The following PRKCE variants were observed in gnomAD, a reference collection of about 807,000 sequenced individuals.
PRKCE encodes protein kinase C epsilon type.
Under a neutral mutation model 85.4 loss-of-function variants are expected in PRKCE, and 16 were observed. That is an observed-to-expected ratio of 0.19 (90% CI 0.13 to 0.28). The LOEUF is 0.28. Among genes scored for constraint, PRKCE ranks in the 10% least tolerant of loss-of-function variants. The probability of loss-of-function intolerance (pLI) is 1.00; values close to 1 mark genes in which losing one functional copy is unlikely to be tolerated. For synonymous variants in PRKCE, 388 were observed against 371.5 expected, an observed-to-expected ratio of 1.04 and a Z score of -0.51; for missense variants, 573 against 975.2, an observed-to-expected ratio of 0.59 and a Z score of 5.49.
At chr2:45,776,855 G>T (rs544306968) in intron 1 of PRKCE, among the ~76,000 whole-genome samples, 1 of 152,166 alleles carries the variant, frequency 6.6e-6, no homozygotes, top group Admixed American at 6.5e-5. Context: ...AAACTCATTT[G>T]AAGAGTCCAC....
At chr2:45,936,851 G>C (rs966159317) in intron 2 of PRKCE, among the ~76,000 whole-genome samples, 1 of 152,136 alleles carries the variant, frequency 6.6e-6, no homozygotes, top group Non-Finnish European at 1.5e-5. Context: ...ACCTACCGCA[G>C]GTATGTGTTC....
intron 2 of PRKCE, among the ~76,000 whole-genome samples, chr2:45,887,074 G>C (rs1187865928): frequency 6.6e-6 from 1 of 152,158 alleles, no homozygotes; most frequent in African/African-American, 2.4e-5. Context: ...CTGATGCCTG[G>C]GTTTTTACAT....
intron 1 of PRKCE, among the ~76,000 whole-genome samples, chr2:45,747,743 T>G (rs568404278): frequency 6.6e-6 from 1 of 152,244 alleles, no homozygotes; most frequent in Non-Finnish European, 1.5e-5. Flanking sequence ...CTAGGTGATA[T>G]AGTAATTCTA....
chr2:46,153,033 C>T, intron 13 of PRKCE, among the ~76,000 whole-genome samples: 1 of 152,098 alleles, frequency 6.6e-6, no homozygotes, highest in South Asian at 2.1e-4. Context: ...CCCTTACTCT[C>T]CTCCCTCTCT....
chr2:46,126,289 G>A (rs888423225), intron 11 of PRKCE, among the ~76,000 whole-genome samples: 9 of 152,250 alleles, frequency 5.9e-5, no homozygotes, highest in South Asian at 2.1e-4. Flanking sequence ...GCGTGCTGGG[G>A]GGATACAGTG....
intron 10 of PRKCE, among the ~76,000 whole-genome samples, chr2:46,051,944 A>T (rs1368358753): frequency 6.6e-6 from 1 of 152,158 alleles, no homozygotes; most frequent in Admixed American, 6.5e-5. Context: ...TCTCGTGAGA[A>T]GTCACTATCA....
intron 1 of PRKCE, among the ~76,000 whole-genome samples, chr2:45,666,283 G>T (rs1675907626): frequency 6.6e-6 from 1 of 152,040 alleles, no homozygotes; most frequent in Non-Finnish European, 1.5e-5. Flanking sequence ...GGAATCCAGG[G>T]GATTTGTGTA....
intron 1 of PRKCE, among the ~76,000 whole-genome samples, chr2:45,815,159 C>T (rs1688939956): frequency 6.6e-6 from 1 of 152,210 alleles, no homozygotes; most frequent in African/African-American, 2.4e-5. Context: ...GCACTAATCT[C>T]ATAAGAGGAT....
intron 11 of PRKCE, among the ~76,000 whole-genome samples, chr2:46,095,006 T>C (rs1449993496): frequency 6.6e-6 from 1 of 152,236 alleles, no homozygotes; most frequent in African/African-American, 2.4e-5. Flanking sequence ...AGGTCTGTTT[T>C]CATCTATTGC....
chr2:45,859,875 G>A (rs796736421), intron 2 of PRKCE, among the ~76,000 whole-genome samples: 4 of 152,258 alleles, frequency 2.6e-5, no homozygotes, highest in Admixed American at 1.3e-4. Context: ...GGTGGCAGTG[G>A]CAAAATGAGC....
In PRKCE at chr2:46,159,215, C is replaced by A. The variant is rs1677512864; in HGVS notation, c.1921-391C>A. Reference sequence around the variant, plus strand: ...GACCTCAGTCTCCCTGATGAGAAGACCTGAGAATCTGAGGGGGATCACAGA... The same window carrying A: ...GACCTCAGTCTCCCTGATGAGAAGAACTGAGAATCTGAGGGGGATCACAGA... On this transcript the variant is annotated intron_variant, in intron 13 of 14. Transcript: ENST00000306156. This position sits in a 1 kb window ranked among gnomAD's most constrained non-coding sequence, Gnocchi z 4.1. Among the ~76,000 whole-genome samples the A allele has an allele frequency of 6.6e-6, 1 of 152,142 alleles. No homozygotes were observed. Among genetic ancestry groups the A allele is most frequent in the Admixed American group, 6.5e-5 (1 of 15,270 alleles).
At chr2:46,112,812 AC>A (rs1365677390) in intron 11 of PRKCE, among the ~76,000 whole-genome samples, 1 of 151,846 alleles carries the variant, frequency 6.6e-6, no homozygotes, top group African/African-American at 2.4e-5. Context: ...GAGCCACCAC[AC>A]CTGGCCTCTT....
At position 46,138,403 on chromosome 2, in the gene PRKCE, A is replaced by G. The variant is rs145219804; in HGVS notation, c.1593-6690A>G. ...CCTCTTACCAGCCATGTGACCTCAGACAAGTTACCTTTTCTGAGCCTCAGT... is the reference window on the plus strand; with the variant it reads ...CCTCTTACCAGCCATGTGACCTCAGGCAAGTTACCTTTTCTGAGCCTCAGT... On this transcript the variant is annotated intron_variant, in intron 11 of 14. Transcript: ENST00000306156. The surrounding 1 kb of genome is among the most constrained non-coding windows in gnomAD (Gnocchi z 4.2). Among the ~76,000 whole-genome samples the G allele has an allele frequency of 8.6e-3, 1,305 of 152,348 alleles. 13 individuals carry two copies. Among genetic ancestry groups the G allele is most frequent in the African/African-American group, 0.03 (1,236 of 41,572 alleles).
Position 45,895,123 on chromosome 2 carries a change from G to A in PRKCE, c.412+52060G>A, listed in dbSNP as rs1189331623. 1.3e-5 allele frequency among the ~76,000 whole-genome samples: 2 copies of A among 152,228 alleles called. No homozygotes were observed. The highest frequency in any genetic ancestry group is 2.9e-5 in the Non-Finnish European group (2 of 68,044). On this transcript the variant is annotated intron_variant, in intron 2 of 14. Transcript: ENST00000306156. This position sits in a 1 kb window ranked among gnomAD's most constrained non-coding sequence, Gnocchi z 4.8. The stretch of plus-strand genomic sequence containing the variant: ...TTAGTTGTGAGCATTTGGCCACGTG[G>A]TAGGGAGAATGAAAAGGCGCCCAGG...
intron 1 of PRKCE, among the ~76,000 whole-genome samples, chr2:45,723,508 C>T (rs915222984): frequency 2.0e-5 from 3 of 152,176 alleles, no homozygotes; most frequent in Non-Finnish European, 4.4e-5. Context: ...ACCTGTTTGC[C>T]CTGCTAATAG....
chr2:45,682,640 G>T (rs1308270394), intron 1 of PRKCE, among the ~76,000 whole-genome samples: 1 of 152,026 alleles, frequency 6.6e-6, no homozygotes, highest in Non-Finnish European at 1.5e-5. Flanking sequence ...AGGCTGGAGT[G>T]CAATGGCGCG....
rs28521005 is a variant in PRKCE, at chr2:45,905,578, A to T, written c.412+62515A>T. ...AGCTTTCCTAAAAGCTGGGCAAAGC[A>T]GGGCTTTCACCGGGCTCTGTGTATC... On this transcript the variant is annotated intron_variant, in intron 2 of 14. Coordinates refer to ENST00000306156, the MANE Select transcript of PRKCE (RefSeq NM_005400.3). This position sits in a 1 kb window ranked among gnomAD's most constrained non-coding sequence, Gnocchi z 4.4. Among the ~76,000 whole-genome samples, 1 of 152,196 alleles carries T rather than the reference A, an allele frequency of 6.6e-6. No homozygotes were observed. Among genetic ancestry groups the T allele is most frequent in the African/African-American group, 2.4e-5 (1 of 41,436 alleles).
At chr2:45,977,626 G>A (rs1319660967) in intron 3 of PRKCE, among the ~76,000 whole-genome samples, 1 of 147,732 alleles carries the variant, frequency 6.8e-6, no homozygotes, top group Non-Finnish European at 1.5e-5. Flanking sequence ...GTGACAGAGT[G>A]AGACTCTGTC....
intron 1 of PRKCE, among the ~76,000 whole-genome samples, chr2:45,731,288 TAGAC>T (rs1206894124): frequency 3.3e-5 from 5 of 152,346 alleles, no homozygotes; most frequent in African/African-American, 7.2e-5. Context: ...AGCATTCACT[TAGAC>T]AGAGCAGCTC....
Sources: allele counts gnomAD v4.1 joint callset (sites outside exome capture counted in the v4.1 genomes callset), GRCh38; gene constraint gnomAD v4.1.1; non-coding constraint Gnocchi (gnomAD v3.1); transcripts MANE v1.5; gene names NCBI Gene and HGNC (gene_info 2026-07-23, HGNC 2026-07-21).